HSDL2: variants seen among roughly 807,000 people sequenced by gnomAD.
HSDL2 encodes the protein hydroxysteroid dehydrogenase like 2, also known as hydroxysteroid dehydrogenase-like protein 2.
Under a neutral mutation model 46.3 loss-of-function variants are expected in HSDL2, and 27 were observed. The observed-to-expected ratio is 0.58, with a 90% CI of 0.43 to 0.80. HSDL2 has a LOEUF of 0.80. Among genes scored for constraint, HSDL2 ranks in the 30% least tolerant of loss-of-function variants. The probability of loss-of-function intolerance (pLI) is 0.00; values close to 1 mark genes in which losing one functional copy is unlikely to be tolerated. For missense variants in HSDL2, 451 were observed against 502.7 expected, an observed-to-expected ratio of 0.90 and a Z score of 0.98; for synonymous variants, 153 against 163.6, an observed-to-expected ratio of 0.94 and a Z score of 0.50.
At chr9:112,417,807 G>C (rs889023411) in intron 5 of HSDL2, among the ~76,000 whole-genome samples, 2 of 151,494 alleles carry the variant, frequency 1.3e-5, no homozygotes, top group African/African-American at 4.9e-5. Context: ...TCCAGGCATG[G>C]TGGCTCATAT....
rs527253053 is a variant in HSDL2, at chr9:112,462,985, C to T, written c.1144+3408C>T. On this transcript the variant is annotated intron_variant, in intron 10 of 10. Coordinates refer to ENST00000398805, the MANE Select transcript of HSDL2 (RefSeq NM_032303.5). ...TCTAGCACCTTTTACTTAGCATAGGCTTTTGATATTCATTCATATATATGT... is the reference window on the plus strand; with the variant it reads ...TCTAGCACCTTTTACTTAGCATAGGTTTTTGATATTCATTCATATATATGT... Among the ~76,000 whole-genome samples, 4 of 152,238 alleles carry T rather than the reference C, an allele frequency of 2.6e-5. No homozygotes were observed. The East Asian group carries it at 5.8e-4, about 22-fold the overall frequency.
chr9:112,431,543 C>T (rs1250792860), intron 6 of HSDL2, among the ~76,000 whole-genome samples: 1 of 152,056 alleles, frequency 6.6e-6, no homozygotes, highest in African/African-American at 2.4e-5. Context: ...AATGTCACCC[C>T]CAGTGTTGGA....
Position 112,421,147 on chromosome 9 carries a change from T to G in HSDL2, c.598+2189T>G, listed in dbSNP as rs148617420. On this transcript the variant is annotated intron_variant, in intron 6 of 10. Transcript: ENST00000398805. Reference sequence around the variant, plus strand: ...GAGTTCAAGACCAGCCTAGGCAACATAGTGAGACCCCATCTCTACAAAAAA... The same window carrying G: ...GAGTTCAAGACCAGCCTAGGCAACAGAGTGAGACCCCATCTCTACAAAAAA... 2.9e-3 allele frequency among the ~76,000 whole-genome samples: 438 copies of G among 152,156 alleles called. 4 individuals are homozygous for G. The highest frequency in any genetic ancestry group is 9.9e-3 in the African/African-American group (411 of 41,526).
intron 1 of HSDL2, among the ~76,000 whole-genome samples, chr9:112,394,596 A>G (rs1178930910): frequency 2.0e-5 from 3 of 152,236 alleles, no homozygotes; most frequent in East Asian, 1.9e-4. Context: ...TAGTTTTCCT[A>G]TGGGTTTATA....
chr9:112,403,003 C>A (rs1176930982), intron 1 of HSDL2, among the ~76,000 whole-genome samples: 3 of 151,950 alleles, frequency 2.0e-5, no homozygotes, highest in African/African-American at 7.3e-5. Flanking sequence ...ATGAAATGGG[C>A]ACAGGGACCC....
chr9:112,450,587 C>T (rs9886704), intron 8 of HSDL2, among the ~76,000 whole-genome samples: 74,208 of 145,554 alleles, frequency 0.51, 19,072 homozygotes, highest in South Asian at 0.59. Context: ...TGAGATCATG[C>T]CACTGCACTC....
In HSDL2 at chr9:112,470,770, A is replaced by G. The variant is rs1833555865; in HGVS notation, c.*226A>G. The G allele has an allele frequency of 3.0e-6, 1 of 337,336 alleles. No homozygotes were observed. The allele number at this position is 337,336 out of a possible 1,614,324, so 20.9% of individuals were successfully genotyped here. On this transcript the variant is annotated 3_prime_UTR_variant, in exon 11 of 11. Transcript: ENST00000398805. The stretch of plus-strand genomic sequence containing the variant: ...ATTCTAAGACAGTCTGTGTTTTTAT[A>G]TTTCAAGGGTTTAACCCTTTGAGCC...
At chr9:112,466,319 G>A (rs10817349) in intron 10 of HSDL2, among the ~76,000 whole-genome samples, 145,446 of 152,264 alleles carry the variant, frequency 0.96, 69,528 homozygotes, top group African/African-American at 0.98. Context: ...TTGGGAGGCC[G>A]AGGCGGGCAG....
intron 6 of HSDL2, among the ~76,000 whole-genome samples, chr9:112,426,411 T>G (rs1470926477): frequency 6.6e-6 from 1 of 152,170 alleles, no homozygotes; most frequent in Non-Finnish European, 1.5e-5. Flanking sequence ...AATTTTTGTA[T>G]TTTTAGTAGA....
chr9:112,380,156 C>A lies in HSDL2; in HGVS notation c.-8C>A. 6.4e-7 allele frequency: 1 copy of A among 1,572,012 alleles called. No individual in the cohort carries two copies. The highest frequency in any genetic ancestry group is 8.6e-7 in the Non-Finnish European group (1 of 1,157,684). On this transcript the variant is annotated 5_prime_UTR_variant, in exon 1 of 11. Transcript: ENST00000398805. ...TGTCGCCGCCACCTCCTCTGATCTA[C>A]GAAAGTCATGTTACCCAACACCGGG...
intron 4 of HSDL2, among the ~76,000 whole-genome samples, chr9:112,415,836 C>A (rs759568665): frequency 2.6e-5 from 4 of 152,178 alleles, no homozygotes; most frequent in Non-Finnish European, 5.9e-5. Context: ...TGAGCAAGTT[C>A]AGTTACTCTG....
chr9:112,451,434 A>C (rs2063016323), intron 8 of HSDL2, among the ~76,000 whole-genome samples: 1 of 152,228 alleles, frequency 6.6e-6, no homozygotes, highest in South Asian at 2.1e-4. Flanking sequence ...ACTGTTGGCC[A>C]CATTTATGTT....
chr9:112,412,176 A>C (rs1053513417), intron 4 of HSDL2, among the ~76,000 whole-genome samples: 5 of 152,234 alleles, frequency 3.3e-5, no homozygotes, highest in Admixed American at 1.3e-4. Flanking sequence ...CTGGTTAAGT[A>C]TAATGCAGAT....
chr9:112,400,381 G>A (rs1382096047), intron 1 of HSDL2, among the ~76,000 whole-genome samples: 1 of 152,160 alleles, frequency 6.6e-6, no homozygotes, highest in Non-Finnish European at 1.5e-5. Context: ...GGCCGAGGTG[G>A]GCAGATCATG....
At chr9:112,421,590 G>C (rs1832126057) in intron 6 of HSDL2, among the ~76,000 whole-genome samples, 1 of 152,010 alleles carries the variant, frequency 6.6e-6, no homozygotes, top group Admixed American at 6.6e-5. Context: ...TAGTGGAAAG[G>C]GGGTTTAGCC....
At position 112,470,501 on chromosome 9, in the gene HSDL2, T is replaced by A. The variant is rs1198780084; in HGVS notation, c.1214T>A (p.Ile405Asn). 1.2e-6 allele frequency: 2 copies of A among 1,611,056 alleles called. No individual in the cohort carries two copies. The highest frequency in any genetic ancestry group is 1.7e-6 in the Non-Finnish European group (2 of 1,178,192). The change falls in exon 11 of 11, where the codon ATC becomes AAC. Residue 405 changes from isoleucine (I) to asparagine (N), a missense_variant. By Grantham distance (149) the Ile-to-Asn change is moderately radical (BLOSUM62 -3). Transcript: ENST00000398805. ...ATTAAAGGTAACATGGCCCTAGCAA[T>A]CAAATTGGAGAAGCTAATGAATCAG... ...LKIKGNMALA[I>N]KLEKLMNQMN... is the part of the protein sequence containing the mutation.
chr9:112,462,417 C>T (rs917257963), intron 10 of HSDL2, among the ~76,000 whole-genome samples: 4 of 148,428 alleles, frequency 2.7e-5, no homozygotes, highest in South Asian at 2.1e-4. Flanking sequence ...GAGCTGAGAT[C>T]GAGCCACCGC....
At chr9:112,423,570 A>G (rs1364458538) in intron 6 of HSDL2, among the ~76,000 whole-genome samples, 16 of 152,006 alleles carry the variant, frequency 1.1e-4, no homozygotes, top group Admixed American at 9.8e-4. Context: ...CGGCCTCCCA[A>G]AGTGCTGGGA....
At chr9:112,391,526 G>C (rs1831343797) in intron 1 of HSDL2, among the ~76,000 whole-genome samples, 1 of 152,050 alleles carries the variant, frequency 6.6e-6, no homozygotes, top group Non-Finnish European at 1.5e-5. Flanking sequence ...GAAAAAGCAA[G>C]CCACAAATGA....
Sources: allele counts gnomAD v4.1 joint callset (sites outside exome capture counted in the v4.1 genomes callset), GRCh38; gene constraint gnomAD v4.1.1; transcripts MANE v1.5; gene names NCBI Gene and HGNC (gene_info 2026-07-23, HGNC 2026-07-21).